The following HEPH variants were observed in gnomAD, a reference collection of about 807,000 sequenced individuals.
The protein encoded by HEPH is hephaestin.
In HEPH, 69 loss-of-function variants were observed where a neutral mutation model predicts 80.8. That is an observed-to-expected ratio of 0.85 (90% CI 0.70 to 1.04). The LOEUF (loss-of-function observed/expected upper bound fraction) is 1.04, where lower values mean the gene tolerates loss of function less well. Among genes scored for constraint, HEPH ranks in the 50% least tolerant of loss-of-function variants. HEPH has a pLI of 0.00. For missense variants in HEPH, 1,115 were observed against 891.3 expected (o/e 1.25, Z -3.20); for synonymous variants, 431 against 322.8 (o/e 1.34, Z -3.60).
rs1312557700 is a variant in HEPH at position 66,224,327 on chromosome X, T to A, written c.2563+16081T>A. On this transcript the variant is annotated intron_variant, in intron 15 of 20. Coordinates refer to ENST00000343002, the MANE Select transcript of HEPH (RefSeq NM_001367233.3). ...TTAGAATTGGTATAGATGACTTTTT[T>A]TTTTTTTCCTTCAGTTACCTGGGAG... Among the ~76,000 whole-genome samples the A allele has an allele frequency of 2.7e-5, 3 of 111,496 alleles. No homozygotes were observed. In the East Asian group the frequency reaches 8.4e-4, roughly 31 times the overall value.
intron 11 of HEPH, among the ~76,000 whole-genome samples, chrX:66,200,045 T>C (rs983041316): frequency 9.2e-6 from 1 of 108,486 alleles, no homozygotes; most frequent in Admixed American, 9.9e-5. Flanking sequence ...ACCAGGGCAG[T>C]AGCAGTGAAG....
chrX:66,219,725 C>T (rs781355731), intron 15 of HEPH, among the ~76,000 whole-genome samples: 3 of 111,168 alleles, frequency 2.7e-5, no homozygotes, highest in South Asian at 7.7e-4. Flanking sequence ...ACAGGGAAGC[C>T]CAGGAGTTCA....
intron 15 of HEPH, among the ~76,000 whole-genome samples, chrX:66,233,325 C>G (rs2090232154): frequency 9.0e-6 from 1 of 111,561 alleles, no homozygotes; most frequent in Non-Finnish European, 1.9e-5. Flanking sequence ...TACCAAACCT[C>G]AAGCCTGTTT....
At chrX:66,179,840 C>G (rs2087008682) in intron 4 of HEPH, among the ~76,000 whole-genome samples, 1 of 111,596 alleles carries the variant, frequency 9.0e-6, no homozygotes, top group Admixed American at 9.5e-5. Flanking sequence ...TAATGGCCCT[C>G]TTTGTCTCTT....
chrX:66,207,654 G>A (rs1205062742), intron 14 of HEPH, among the ~76,000 whole-genome samples: 1 of 111,217 alleles, frequency 9.0e-6, no homozygotes, highest in Non-Finnish European at 1.9e-5. Flanking sequence ...ATATACACAA[G>A]GAATCAGTTT....
intron 15 of HEPH, among the ~76,000 whole-genome samples, chrX:66,215,548 A>G (rs1361161378): frequency 3.6e-5 from 4 of 111,881 alleles, no homozygotes; most frequent in Non-Finnish European, 5.6e-5. Flanking sequence ...TAAAATTTTA[A>G]TCAAGATAAC....
At chrX:66,251,640 G>A (rs2091010081) in intron 15 of HEPH, among the ~76,000 whole-genome samples, 2 of 111,281 alleles carry the variant, frequency 1.8e-5, no homozygotes. Flanking sequence ...GCTCTCTGAG[G>A]AAATTATATT....
At chrX:66,201,987 A>T (rs1313860037) in intron 12 of HEPH, among the ~76,000 whole-genome samples, 1 of 112,295 alleles carries the variant, frequency 8.9e-6, no homozygotes, top group Non-Finnish European at 1.9e-5. Flanking sequence ...AAACTAGTAG[A>T]AGGGATCATT....
chrX:66,226,869 G>T (rs896219686), intron 15 of HEPH, among the ~76,000 whole-genome samples: 1 of 111,470 alleles, frequency 9.0e-6, no homozygotes, highest in Non-Finnish European at 1.9e-5. Flanking sequence ...AGAAGATTTG[G>T]TACCCATGTT....
chrX:66,205,899 G>A (rs746253718), intron 13 of HEPH, among the ~76,000 whole-genome samples: 3 of 111,210 alleles, frequency 2.7e-5, no homozygotes, highest in Non-Finnish European at 5.7e-5. Context: ...TGAAAGAACA[G>A]GACTAGAAAA....
intron 13 of HEPH, among the ~76,000 whole-genome samples, chrX:66,204,305 AAGTT>A (rs775243653): frequency 5.3e-5 from 6 of 112,158 alleles, no homozygotes; most frequent in Non-Finnish European, 9.4e-5. Context: ...GCTCAGCTAA[AAGTT>A]AGGTGATTCT....
At chrX:66,168,869 T>A (rs1341931956) in intron 1 of HEPH, among the ~76,000 whole-genome samples, 2 of 112,044 alleles carry the variant, frequency 1.8e-5, no homozygotes, top group African/African-American at 6.5e-5. Flanking sequence ...ATTAGTTATA[T>A]CTCTGCCTAC....
At chrX:66,170,782 A>T (rs367801277) in intron 2 of HEPH, 45 bp downstream of exon 2, 3 of 1,111,271 alleles carry the variant, frequency 2.7e-6, no homozygotes, top group Non-Finnish European at 3.7e-6. Context: ...TTATGGGAGC[A>T]CTCTTGAGGT....
chrX:66,190,715 T>C (rs2087743337), intron 6 of HEPH, among the ~76,000 whole-genome samples: 1 of 111,826 alleles, frequency 8.9e-6, no homozygotes, highest in African/African-American at 3.3e-5. Context: ...GATATGTGAG[T>C]ACTTGAAGTG....
intron 17 of HEPH, among the ~76,000 whole-genome samples, chrX:66,258,503 G>A (rs5918595): frequency 0.62 from 68,776 of 110,874 alleles, 18,413 homozygotes; most frequent in East Asian, 1. Context: ...TGGGAGATGA[G>A]TCTAGGAAGG....
At position 66,200,569 on chromosome X, in the gene HEPH, C is replaced by T; in HGVS notation, c.1894C>T (p.Pro632Ser). The T allele has an allele frequency of 8.3e-7, 1 of 1,207,141 alleles. No homozygotes were observed. Residue 632 changes from proline (P) to serine (S), a missense_variant, in exon 12 of 21, where the codon CCC becomes TCC. By Grantham distance (74) the Pro-to-Ser change is moderately conservative. Around this residue, in one of 3 missense-constraint regions of HEPH, gnomAD observed 716 missense variants for 523.5 expected, o/e 1.37. Transcript: ENST00000343002. ...AINGFLFSNL[P>S]RLDMCKGDTV... Reference sequence around the variant, plus strand: ...TAATGGGTTTCTGTTCTCTAACCTGCCCAGGCTGGACATGTGCAAGGGTGA... The same window carrying T: ...TAATGGGTTTCTGTTCTCTAACCTGTCCAGGCTGGACATGTGCAAGGGTGA...
chrX:66,164,319 AC>A lies in HEPH; in HGVS notation c.-162del, dbSNP rs2086270311. ...CTCCCTCATCCTCCCATCCCAGTAA[AC>A]CCTGCCAAATTGGAATCCTGGACTT... On this transcript the variant is annotated 5_prime_UTR_variant, in exon 1 of 21. Coordinates refer to ENST00000343002, the MANE Select transcript of HEPH (RefSeq NM_001367233.3). The A allele has an allele frequency of 1.3e-6, 1 of 751,221 alleles. No homozygotes were observed. Among genetic ancestry groups the A allele is most frequent in the South Asian group, 6.9e-5 (1 of 14,594 alleles). 61.9% of individuals were successfully genotyped at this position (751,221 alleles called of 1,213,427 possible). A position where few individuals can be genotyped will look rare whatever the true frequency, so the allele number is the denominator to read the frequency against.
intron 12 of HEPH, among the ~76,000 whole-genome samples, chrX:66,201,581 A>G (rs2088454559): frequency 1.8e-5 from 2 of 111,556 alleles, no homozygotes; most frequent in South Asian, 3.7e-4. Context: ...CAGCCATTAG[A>G]TGGCAATAGT....
chrX:66,218,534 T>C (rs1219166571), intron 15 of HEPH, among the ~76,000 whole-genome samples: 4 of 111,986 alleles, frequency 3.6e-5, no homozygotes, highest in African/African-American at 1.3e-4. Flanking sequence ...ACCTCTGGGA[T>C]ACAATAGTGG....
Sources: gnomAD v4.1 joint callset for allele counts (sites outside exome capture counted in the v4.1 genomes callset) on GRCh38, gnomAD v4.1.1 for gene constraint, gnomAD v4.1.1 regional missense constraint, MANE v1.5 for transcripts, NCBI Gene and HGNC (gene_info 2026-07-23, HGNC 2026-07-21) for gene names.